Variants in DLG2 observed in about 807,000 individuals in gnomAD.
DLG2 encodes the protein discs large MAGUK scaffold protein 2, also known as disks large homolog 2.
DLG2 carries 45 observed loss-of-function variants against 132.5 expected under a neutral mutation model. That is an observed-to-expected ratio of 0.34 (90% confidence interval 0.27 to 0.44). The LOEUF (loss-of-function observed/expected upper bound fraction) is 0.44. Ranked by LOEUF, DLG2 falls within the 20% of genes least tolerant of loss-of-function variation. The probability of loss-of-function intolerance (pLI) is 1.00; values close to 1 mark genes in which losing one functional copy is unlikely to be tolerated. For synonymous variants in DLG2, 424 were observed against 419.6 expected, an observed-to-expected ratio of 1.01 and a Z score of -0.13; for missense variants, 1,045 against 1,196.9, an observed-to-expected ratio of 0.87 and a Z score of 1.87.
At chr11:83,711,538 T>C (rs1302279337) in intron 18 of DLG2, among the ~76,000 whole-genome samples, 2 of 152,210 alleles carry the variant, frequency 1.3e-5, no homozygotes, top group African/African-American at 4.8e-5. Context: ...TTTATATTTA[T>C]TCTGAAGTAA....
rs571599581 is a variant in DLG2, at chr11:84,479,388, T to C, written c.519+55182A>G. 1.3e-4 allele frequency among the ~76,000 whole-genome samples: 20 copies of C among 152,230 alleles called. 1 individual carries two copies. The South Asian group carries it at 3.7e-3, about 28-fold the overall frequency. On this transcript the variant is annotated intron_variant, in intron 7 of 27. Transcript: ENST00000376104. ...TATACCTTTTCTGAGTTGGATTTCT[T>C]CTTTCCTTTATTCCATCTTACTCTT...
chr11:84,604,122 A>G (rs1593491899), intron 6 of DLG2, among the ~76,000 whole-genome samples: 1 of 151,964 alleles, frequency 6.6e-6, no homozygotes, highest in Non-Finnish European at 1.5e-5. Context: ...AGTGTATCTA[A>G]GCAAAAATAA....
rs373138134 is a variant in DLG2, at chr11:84,316,847, T to C, written c.520-65556A>G. On this transcript the variant is annotated intron_variant, in intron 7 of 27. Coordinates refer to ENST00000376104, the MANE Select transcript of DLG2 (RefSeq NM_001142699.3). ...CACCTGTGCTGGGCTGAACCAACCA[T>C]GTGGGCAGGTACAATGCTCCCCACA... 3.1e-6 allele frequency: 5 copies of C among 1,612,358 alleles called. No homozygotes were observed. In the South Asian group the frequency reaches 4.4e-5, roughly 14 times the overall value.
At chr11:84,911,003 A>G (rs2092005192) in intron 6 of DLG2, among the ~76,000 whole-genome samples, 1 of 152,220 alleles carries the variant, frequency 6.6e-6, no homozygotes, top group Admixed American at 6.5e-5. Context: ...ATTATTATGT[A>G]GAGGAAAGGA....
chr11:84,888,920 C>T (rs1410265364), intron 6 of DLG2, among the ~76,000 whole-genome samples: 1 of 152,132 alleles, frequency 6.6e-6, no homozygotes, highest in Admixed American at 6.6e-5. Context: ...TTCACCACAA[C>T]TGAAAAGGTT....
intron 3 of DLG2, among the ~76,000 whole-genome samples, chr11:85,345,848 T>C (rs1001036006): frequency 1.3e-5 from 2 of 152,060 alleles, no homozygotes; most frequent in Non-Finnish European, 2.9e-5. Context: ...AAAAGTTAGT[T>C]GATCACATAT....
intron 19 of DLG2, among the ~76,000 whole-genome samples, chr11:83,626,621 A>G (rs1217753076): frequency 1.3e-5 from 2 of 152,176 alleles, no homozygotes; most frequent in East Asian, 1.9e-4. Flanking sequence ...GAACTACTGT[A>G]AAAGAAATAA....
At chr11:84,270,315 T>C (rs1245750830) in intron 7 of DLG2, among the ~76,000 whole-genome samples, 1 of 152,238 alleles carries the variant, frequency 6.6e-6, no homozygotes, top group Admixed American at 6.5e-5. Flanking sequence ...TGTTTTGCAC[T>C]TGTGGCTCTT....
chr11:85,518,346 G>A (rs2094210473), intron 3 of DLG2, among the ~76,000 whole-genome samples: 1 of 152,202 alleles, frequency 6.6e-6, no homozygotes, highest in African/African-American at 2.4e-5. Context: ...GTCTCAGATG[G>A]AGATGAGGAA....
intron 3 of DLG2, among the ~76,000 whole-genome samples, chr11:85,427,404 G>A (rs909238140): frequency 6.6e-6 from 1 of 152,126 alleles, no homozygotes; most frequent in African/African-American, 2.4e-5. Context: ...CAAAGGGAAG[G>A]CCATCAGACT....
intron 3 of DLG2, among the ~76,000 whole-genome samples, chr11:85,395,971 C>T (rs868620504): frequency 2.0e-5 from 3 of 152,200 alleles, no homozygotes; most frequent in Non-Finnish European, 4.4e-5. Flanking sequence ...TCAAGTGAGT[C>T]CCTGACCCCT....
intron 19 of DLG2, among the ~76,000 whole-genome samples, chr11:83,622,112 G>A (rs1435052587): frequency 2.0e-5 from 3 of 152,180 alleles, no homozygotes; most frequent in East Asian, 3.9e-4. Flanking sequence ...GTTTTTGGTA[G>A]AGATGGGGTT....
chr11:83,946,370 T>A (rs114589853), intron 14 of DLG2, among the ~76,000 whole-genome samples: 2,722 of 152,268 alleles, frequency 0.018, 88 homozygotes, highest in African/African-American at 0.061. Flanking sequence ...TGCATCAGAA[T>A]CACCTGTGGA....
intron 19 of DLG2, among the ~76,000 whole-genome samples, chr11:83,597,579 C>T (rs775437896): frequency 5.9e-5 from 9 of 151,442 alleles, no homozygotes; most frequent in South Asian, 4.2e-4. Flanking sequence ...TGCCTATAGT[C>T]GCCCCAGCTA....
chr11:85,034,434 A>C (rs1020830364), intron 6 of DLG2, among the ~76,000 whole-genome samples: 2 of 152,160 alleles, frequency 1.3e-5, no homozygotes, highest in Non-Finnish European at 2.9e-5. Context: ...AATCTTCTAC[A>C]GTTTTCAGAT....
At chr11:85,096,570 G>A (rs555050915) in intron 6 of DLG2, among the ~76,000 whole-genome samples, 19 of 152,130 alleles carry the variant, frequency 1.2e-4, no homozygotes, top group Admixed American at 4.6e-4. Context: ...AACACTCACC[G>A]CAAAGGTCTG....
intron 3 of DLG2, among the ~76,000 whole-genome samples, chr11:85,423,421 T>A (rs1192821505): frequency 6.6e-6 from 1 of 152,216 alleles, no homozygotes; most frequent in Non-Finnish European, 1.5e-5. Context: ...GCCAGGAGGT[T>A]GAGCTTTCCA....
At chr11:84,775,245 G>A (rs955066641) in intron 6 of DLG2, among the ~76,000 whole-genome samples, 16 of 152,014 alleles carry the variant, frequency 1.1e-4, no homozygotes, top group African/African-American at 3.9e-4. Context: ...ATACCCATCA[G>A]AATGGCTATT....
At chr11:85,510,979 C>A (rs1236874334) in intron 3 of DLG2, among the ~76,000 whole-genome samples, 1 of 152,090 alleles carries the variant, frequency 6.6e-6, no homozygotes, top group East Asian at 1.9e-4. Context: ...ACCCAAGTGT[C>A]CATCAATGAT....
Sources: allele counts gnomAD v4.1 joint callset (sites outside exome capture counted in the v4.1 genomes callset), GRCh38; gene constraint gnomAD v4.1.1; transcripts MANE v1.5; gene names NCBI Gene and HGNC (gene_info 2026-07-23, HGNC 2026-07-21).